The following UPRT variants were observed in gnomAD, a reference collection of about 807,000 sequenced individuals.
UPRT encodes uracil phosphoribosyltransferase homolog.
In UPRT, 5 loss-of-function variants were observed where a neutral mutation model predicts 22.6. The ratio of observed to expected loss-of-function variants is 0.22; its 90% CI spans 0.12 to 0.47. The LOEUF (loss-of-function observed/expected upper bound fraction) is 0.47. Among genes scored for constraint, UPRT ranks in the 20% least tolerant of loss-of-function variants. UPRT has a pLI of 0.99. For missense variants in UPRT, 181 were observed against 239.9 expected (o/e 0.75, Z 1.62); for synonymous variants, 77 against 87.7 (o/e 0.88, Z 0.68).
Position 75,274,565 on chromosome X carries a change from G to A in UPRT, c.311G>A (p.Arg104Gln), listed in dbSNP as rs199953225. The A allele has an allele frequency of 8.3e-7, 1 of 1,208,638 alleles. No homozygotes were observed. The highest frequency in any genetic ancestry group is 2.2e-5 in the Admixed American group (1 of 45,616). Residue 104 changes from arginine to glutamine, a missense_variant, in exon 1 of 7, where the codon CGG (arginine) becomes CAG (glutamine). Coordinates refer to ENST00000373383, the MANE Select transcript of UPRT (RefSeq NM_145052.4). Reference sequence around the variant, plus strand: ...TTCCTAGAGGACTGCGAACTCTCCCGGCAGATCGGGGCGCAGCTTAAGCTG... The same window carrying A: ...TTCCTAGAGGACTGCGAACTCTCCCAGCAGATCGGGGCGCAGCTTAAGCTG... ...NSFLEDCELS[R>Q]QIGAQLKLLP...
chrX:75,227,931 CTTTTT>C (rs1188952649), intron 4 of UPRT, among the ~76,000 whole-genome samples: 2 of 112,058 alleles, frequency 1.8e-5, no homozygotes, highest in Non-Finnish European at 3.8e-5. Context: ...TGCCTCTTTT[CTTTTT>C]ATTTTTTTAA....
intron 4 of UPRT, among the ~76,000 whole-genome samples, chrX:75,198,507 A>G (rs919543597): frequency 8.9e-6 from 1 of 111,993 alleles, no homozygotes; most frequent in Admixed American, 9.5e-5. Context: ...GAAGTATCAA[A>G]GTTGTTATAG....
intron 5 of UPRT, 22 bp downstream of exon 5, chrX:75,299,918 G>T (rs755231771): frequency 5.8e-6 from 7 of 1,199,631 alleles, no homozygotes; most frequent in Non-Finnish European, 6.7e-6. Flanking sequence ...CCATTTGTTT[G>T]TAACCTTTGG....
chrX:75,260,003 A>G (rs1480262467), intron 4 of UPRT, among the ~76,000 whole-genome samples: 1 of 111,888 alleles, frequency 8.9e-6, no homozygotes, highest in Non-Finnish European at 1.9e-5. Flanking sequence ...ATCCAGCCAA[A>G]CTAAGCTTCA....
intron 4 of UPRT, among the ~76,000 whole-genome samples, chrX:75,221,535 C>T (rs1329817345): frequency 9.0e-6 from 1 of 111,554 alleles, no homozygotes; most frequent in Non-Finnish European, 1.9e-5. Flanking sequence ...TTTGTCTCCT[C>T]TGACTGTGTG....
At chrX:75,162,542 G>A (rs1454709481) in intron 2 of UPRT, among the ~76,000 whole-genome samples, 1 of 100,041 alleles carries the variant, frequency 1.0e-5, no homozygotes, top group Non-Finnish European at 2.1e-5. Flanking sequence ...TTAGTTATCT[G>A]GAAAATTATT....
upstream of UPRT, among the ~76,000 whole-genome samples, chrX:75,271,374 AACAAAAATATAAAGTGGGGAG>A (rs1243562025): frequency 1.8e-5 from 2 of 111,753 alleles, no homozygotes; most frequent in African/African-American, 6.5e-5. Flanking sequence ...CGACAAAGCA[AACAAAAATATAAAGTGGGGAG>A]AGGACACCCT....
At chrX:75,223,005 C>A (rs1602459989) in intron 4 of UPRT, among the ~76,000 whole-genome samples, 1 of 110,518 alleles carries the variant, frequency 9.0e-6, no homozygotes, top group Middle Eastern at 4.7e-3. Flanking sequence ...TAGTACCTGG[C>A]TATTGCTGGT....
chrX:75,208,386 G>A (rs2082372077), intron 4 of UPRT, among the ~76,000 whole-genome samples: 1 of 111,864 alleles, frequency 8.9e-6, no homozygotes, highest in Non-Finnish European at 1.9e-5. Context: ...ATAGGTGGGT[G>A]CTATCTCAGA....
chrX:75,180,695 G>GTTTTTTTTTTTTTTTTTTTTTTTTTTT (rs61040746), intron 4 of UPRT, among the ~76,000 whole-genome samples: 7 of 34,657 alleles, frequency 2.0e-4, no homozygotes, highest in African/African-American at 3.8e-4. Context: ...TTTTTTTTTT[G>GTTTTTTTTTTTTTTTTTTTTTTTTTTT]TTTTTTTTTT....
chrX:75,206,699 C>G (rs759171316), intron 4 of UPRT, among the ~76,000 whole-genome samples: 2 of 110,130 alleles, frequency 1.8e-5, no homozygotes, highest in Non-Finnish European at 3.8e-5. Flanking sequence ...GAGTCTTGCT[C>G]TGTTGCCCAG....
intron 4 of UPRT, among the ~76,000 whole-genome samples, chrX:75,266,580 A>T (rs1258644637): frequency 1.8e-5 from 2 of 111,809 alleles, no homozygotes; most frequent in Non-Finnish European, 3.8e-5. Flanking sequence ...AAAAGACAAA[A>T]TTGACAGTTG....
intron 4 of UPRT, among the ~76,000 whole-genome samples, chrX:75,266,848 C>T (rs1223999216): frequency 9.0e-6 from 1 of 111,682 alleles, no homozygotes; most frequent in Admixed American, 9.6e-5. Flanking sequence ...TGCTCATCAT[C>T]CCTAGCCATC....
At chrX:75,301,018 A>G in intron 6 of UPRT, 53 bp downstream of exon 6, 2 of 891,029 alleles carry the variant, frequency 2.2e-6, no homozygotes, top group Non-Finnish European at 3.2e-6. Flanking sequence ...TGAGGTGGGT[A>G]AGTATGCATT....
chrX:75,265,534 G>T (rs1048659405), intron 4 of UPRT, among the ~76,000 whole-genome samples: 3 of 111,900 alleles, frequency 2.7e-5, no homozygotes, highest in African/African-American at 6.5e-5. Context: ...GCTCTGTCAG[G>T]TCCTTTAAGG....
At chrX:75,250,130 C>T (rs1319748022) in intron 4 of UPRT, among the ~76,000 whole-genome samples, 7 of 111,457 alleles carry the variant, frequency 6.3e-5, no homozygotes, top group Non-Finnish European at 9.4e-5. Flanking sequence ...AATTGACACC[C>T]TAACATCACA....
At chrX:75,183,825 T>C in intron 4 of UPRT, among the ~76,000 whole-genome samples, 1 of 112,584 alleles carries the variant, frequency 8.9e-6, no homozygotes, top group Middle Eastern at 4.6e-3. Flanking sequence ...TGTCTTCTTT[T>C]GAGAAATATC....
At chrX:75,235,637 T>C (rs780690722) in intron 4 of UPRT, among the ~76,000 whole-genome samples, 5 of 111,714 alleles carry the variant, frequency 4.5e-5, no homozygotes, top group Non-Finnish European at 9.4e-5. Flanking sequence ...GCAAGGCTGG[T>C]TCAATATACG....
chrX:75,177,695 A>G (rs984540723), intron 4 of UPRT, among the ~76,000 whole-genome samples: 1 of 111,689 alleles, frequency 9.0e-6, no homozygotes, highest in African/African-American at 3.3e-5. Context: ...TAGCTGCAGG[A>G]ATAGCTTTTG....
Sources: gnomAD v4.1 joint callset for allele counts (sites outside exome capture counted in the v4.1 genomes callset) on GRCh38, gnomAD v4.1.1 for gene constraint, MANE v1.5 for transcripts, NCBI Gene and HGNC (gene_info 2026-07-23, HGNC 2026-07-21) for gene names.